Variants in NPTN observed in about 807,000 individuals in gnomAD.
NPTN encodes neuroplastin.
A neutral mutation model predicts 42.7 loss-of-function variants in NPTN; 5 were observed. That is an observed-to-expected ratio of 0.12 (90% confidence interval 0.06 to 0.25). The LOEUF (loss-of-function observed/expected upper bound fraction) is 0.25. NPTN is among the 10% of genes least tolerant of loss of function. The pLI is 1.00. For missense variants in NPTN, 307 were observed against 525.4 expected, an observed-to-expected ratio of 0.58 and a Z score of 4.06; for synonymous variants, 180 against 201.9, an observed-to-expected ratio of 0.89 and a Z score of 0.92.
intron 5 of NPTN, among the ~76,000 whole-genome samples, chr15:73,573,261 G>T (rs879072566): frequency 1.3e-5 from 2 of 152,294 alleles, no homozygotes; most frequent in African/African-American, 4.8e-5. Context: ...ATGTCACTCT[G>T]TTGTCTAAGA....
At chr15:73,608,901 AC>A (rs1221039103) in intron 1 of NPTN, among the ~76,000 whole-genome samples, 2 of 152,244 alleles carry the variant, frequency 1.3e-5, no homozygotes, top group African/African-American at 4.8e-5. Context: ...AGCTGGCTTT[AC>A]AGACATCTGG....
intron 2 of NPTN, 96 bp downstream of exon 2, chr15:73,596,926 G>A (rs932511015): frequency 1.0e-6 from 1 of 1,002,242 alleles, no homozygotes; most frequent in African/African-American, 1.6e-5. Context: ...TGGGGTGAGT[G>A]ATCATACTGG....
chr15:73,575,444 AG>A (rs1414061632), intron 4 of NPTN, among the ~76,000 whole-genome samples: 1 of 152,266 alleles, frequency 6.6e-6, no homozygotes, highest in Non-Finnish European at 1.5e-5. Context: ...GAGCAATAAA[AG>A]TCAAAGCAGG....
chr15:73,563,000 A>C (rs1894774238), intron 7 of NPTN, among the ~76,000 whole-genome samples: 1 of 152,140 alleles, frequency 6.6e-6, no homozygotes, highest in Non-Finnish European at 1.5e-5. Context: ...AAAAAAAAAA[A>C]AGTTTTTTGC....
chr15:73,582,063 A>G (rs1896075867), intron 4 of NPTN, among the ~76,000 whole-genome samples: 1 of 151,258 alleles, frequency 6.6e-6, no homozygotes, highest in Non-Finnish European at 1.5e-5. Context: ...CTGGTCTTGA[A>G]CTCCCGACCT....
chr15:73,618,288 G>C (rs1897960667), intron 1 of NPTN, among the ~76,000 whole-genome samples: 1 of 152,038 alleles, frequency 6.6e-6, no homozygotes, highest in African/African-American at 2.4e-5. Flanking sequence ...ATATATGTTA[G>C]AAAGATCTCT....
In NPTN at chr15:73,573,710, G is replaced by A. The variant is rs921782653; in HGVS notation, c.792C>T (p.Tyr264=). The change falls in exon 5 of 9, where the codon TAC becomes TAT. Residue 264 remains tyrosine, a synonymous_variant. Transcript: ENST00000345330. ...TGCGCCATATCCAGTCTGGGTGGGG[G>A]TAGCCAACTGACTTGCAATACATAG... The part of the protein sequence containing the change: ...DATMYCKSVG[Y]PHPDWIWRKK... 2.5e-6 allele frequency: 4 copies of A among 1,595,500 alleles called. No homozygotes were observed. In the Admixed American group the frequency reaches 5.3e-5, roughly 21 times the overall value.
intron 1 of NPTN, among the ~76,000 whole-genome samples, chr15:73,608,959 A>C (rs1289516205): frequency 6.6e-6 from 1 of 152,174 alleles, no homozygotes; most frequent in African/African-American, 2.4e-5. Context: ...TGCAGGAGAG[A>C]GGTGGAGGCT....
At chr15:73,565,904 T>A (rs900415749) in intron 6 of NPTN, 2 of 408,796 alleles carry the variant, frequency 4.9e-6, no homozygotes, top group South Asian at 3.5e-5. Context: ...AATAACGGAT[T>A]GCCTAATACA....
chr15:73,609,387 T>C (rs764685523), intron 1 of NPTN, among the ~76,000 whole-genome samples: 11 of 152,154 alleles, frequency 7.2e-5, no homozygotes, highest in African/African-American at 2.4e-4. Flanking sequence ...TCCCAGCGCT[T>C]TGGGAGGCCA....
At chr15:73,632,440 C>T (rs975586818) in intron 1 of NPTN, among the ~76,000 whole-genome samples, 3 of 151,964 alleles carry the variant, frequency 2.0e-5, no homozygotes, top group African/African-American at 7.3e-5. Flanking sequence ...GCAAACCCAG[C>T]CCTCTTCCCC....
intron 4 of NPTN, among the ~76,000 whole-genome samples, chr15:73,580,441 A>AATATATATATAATATATATAAT (rs201553060): frequency 1.8e-5 from 2 of 113,956 alleles, no homozygotes; most frequent in African/African-American, 4.1e-5. Context: ...TAATATATAT[A>AATATATATATAATATATATAAT]ATATATATGT....
chr15:73,633,338 C>A lies in NPTN; in HGVS notation c.-123G>T, dbSNP rs533548965. The A allele has an allele frequency of 1.4e-6, 1 of 695,670 alleles. No homozygotes were observed. Among genetic ancestry groups the A allele is most frequent in the African/African-American group, 1.9e-5 (1 of 53,482 alleles). The allele number at this position is 695,670 out of a possible 1,614,324, so 43.1% of individuals were successfully genotyped here. A position where few individuals can be genotyped will look rare whatever the true frequency, so the allele number is the denominator to read the frequency against. ...GAGTGAGCGAGGGAGGCAGCCGCGGCTCGGCTCCGTCCTTCCCCGTCCTCC... is the reference window on the plus strand; with the variant it reads ...GAGTGAGCGAGGGAGGCAGCCGCGGATCGGCTCCGTCCTTCCCCGTCCTCC... On this transcript the variant is annotated 5_prime_UTR_variant, in exon 1 of 9. Coordinates refer to ENST00000345330, the MANE Select transcript of NPTN (RefSeq NM_012428.4).
intron 1 of NPTN, among the ~76,000 whole-genome samples, chr15:73,614,148 C>T (rs924492622): frequency 8.3e-6 from 1 of 120,446 alleles, no homozygotes; most frequent in Non-Finnish European, 1.7e-5. Flanking sequence ...CTCATCTCTA[C>T]AAAAAATACA....
intron 1 of NPTN, among the ~76,000 whole-genome samples, chr15:73,625,183 T>A (rs1014781598): frequency 9.2e-5 from 14 of 152,212 alleles, no homozygotes; most frequent in African/African-American, 3.4e-4. Flanking sequence ...GAATTGTGAA[T>A]TCAATTTAGA....
At chr15:73,576,146 G>C (rs1426138936) in intron 4 of NPTN, among the ~76,000 whole-genome samples, 22 of 152,126 alleles carry the variant, frequency 1.4e-4, no homozygotes, top group Non-Finnish European at 1.9e-4. Context: ...TGCCCGAAGG[G>C]TTACCATGTG....
At chr15:73,604,417 T>C (rs183550602) in intron 1 of NPTN, among the ~76,000 whole-genome samples, 4 of 152,136 alleles carry the variant, frequency 2.6e-5, no homozygotes, top group Admixed American at 1.3e-4. Context: ...GGTCACAACA[T>C]TGCACTCCAG....
intron 5 of NPTN, among the ~76,000 whole-genome samples, chr15:73,571,658 G>A (rs1195418742): frequency 2.0e-5 from 3 of 152,150 alleles, no homozygotes; most frequent in Non-Finnish European, 2.9e-5. Flanking sequence ...GGCAGAGGTC[G>A]GGACTCAGCG....
At chr15:73,567,572 C>T in intron 6 of NPTN, 1 of 985,238 alleles carries the variant, frequency 1.0e-6, no homozygotes, top group Non-Finnish European at 1.2e-6. Flanking sequence ...GGGGAACTGG[C>T]TAAAGAAGGA....
Sources: allele counts gnomAD v4.1 joint callset (sites outside exome capture counted in the v4.1 genomes callset), GRCh38; gene constraint gnomAD v4.1.1; transcripts MANE v1.5; gene names NCBI Gene and HGNC (gene_info 2026-07-23, HGNC 2026-07-21).